The following LARS2 variants were observed in gnomAD, a reference collection of about 807,000 sequenced individuals.
The protein encoded by LARS2 is leucine--tRNA ligase, mitochondrial.
LARS2 carries 81 observed loss-of-function variants against 116.6 expected under a neutral mutation model. The ratio of observed to expected loss-of-function variants is 0.69; its 90% CI spans 0.58 to 0.84. The LOEUF (loss-of-function observed/expected upper bound fraction) is 0.84, where lower values mean the gene tolerates loss of function less well. Ranked by LOEUF, LARS2 falls within the 40% of genes least tolerant of loss-of-function variation. The pLI is 0.00. For synonymous variants in LARS2, 396 were observed against 407.2 expected, an observed-to-expected ratio of 0.97 and a Z score of 0.33; for missense variants, 968 against 1,114.5, an observed-to-expected ratio of 0.87 and a Z score of 1.87.
intron 18 of LARS2, 67 bp from the exon 19 acceptor site, chr3:45,520,152 T>C: frequency 2.7e-6 from 3 of 1,101,080 alleles, no homozygotes; most frequent in Non-Finnish European, 4.2e-6. Flanking sequence ...GTTTTGATAA[T>C]TCAGTCTTTT....
At chr3:45,460,800 A>G (rs1032287301) in intron 8 of LARS2, among the ~76,000 whole-genome samples, 2 of 152,188 alleles carry the variant, frequency 1.3e-5, no homozygotes, top group Non-Finnish European at 2.9e-5. Flanking sequence ...GAGACCCCCA[A>G]AAAGGCCATG....
chr3:45,397,204 C>G (rs1698061705), intron 3 of LARS2, among the ~76,000 whole-genome samples: 1 of 152,120 alleles, frequency 6.6e-6, no homozygotes, highest in Non-Finnish European at 1.5e-5. Context: ...GAAAATTTCC[C>G]TTTCAATCAG....
At chr3:45,528,394 G>T (rs577157725) in intron 20 of LARS2, among the ~76,000 whole-genome samples, 1 of 152,082 alleles carries the variant, frequency 6.6e-6, no homozygotes, top group Non-Finnish European at 1.5e-5. Flanking sequence ...ATTGTATTTT[G>T]TGTCCACTTG....
intron 19 of LARS2, among the ~76,000 whole-genome samples, chr3:45,523,787 A>G (rs973953733): frequency 5.3e-5 from 8 of 151,738 alleles, no homozygotes; most frequent in African/African-American, 1.9e-4. Context: ...TAGTGGGAGT[A>G]TAAGTGTCAG....
At chr3:45,495,866 CT>C (rs1362982733) in intron 13 of LARS2, among the ~76,000 whole-genome samples, 172 of 145,466 alleles carry the variant, frequency 1.2e-3, no homozygotes, top group African/African-American at 1.0e-3. Flanking sequence ...TGGCTTTATT[CT>C]TTTTTTTTTT....
chr3:45,517,848 C>T (rs1205342538), intron 17 of LARS2, 55 bp from the exon 18 acceptor site: 15 of 1,421,972 alleles, frequency 1.1e-5, no homozygotes, highest in Non-Finnish European at 1.5e-5. Flanking sequence ...TATACCAAGT[C>T]AATCACCCTT....
chr3:45,523,224 C>A (rs73830417), intron 19 of LARS2, among the ~76,000 whole-genome samples: 3 of 152,118 alleles, frequency 2.0e-5, no homozygotes, highest in African/African-American at 7.2e-5. Flanking sequence ...CTATGTTTGC[C>A]GGAATTGACC....
chr3:45,507,814 T>C (rs1700221516), intron 15 of LARS2, among the ~76,000 whole-genome samples: 1 of 152,090 alleles, frequency 6.6e-6, no homozygotes, highest in Non-Finnish European at 1.5e-5. Context: ...GAGCCCAATA[T>C]ACTTCTGATT....
intron 13 of LARS2, among the ~76,000 whole-genome samples, chr3:45,493,578 A>G (rs1466992708): frequency 6.6e-6 from 1 of 152,172 alleles, no homozygotes; most frequent in Admixed American, 6.5e-5. Context: ...ACTCATCTGA[A>G]AAATGGGGAT....
intron 4 of LARS2, among the ~76,000 whole-genome samples, chr3:45,411,474 T>C (rs1698330344): frequency 6.6e-6 from 1 of 152,232 alleles, no homozygotes; most frequent in Non-Finnish European, 1.5e-5. Flanking sequence ...GCCATAACCC[T>C]ATCCTGAGAC....
intron 15 of LARS2, among the ~76,000 whole-genome samples, chr3:45,502,654 G>A (rs949918246): frequency 3.9e-5 from 6 of 152,026 alleles, no homozygotes; most frequent in Admixed American, 3.3e-4. Context: ...CAAGTAATCC[G>A]CCTGCCTCGG....
At chr3:45,432,627 T>G (rs1698738087) in intron 6 of LARS2, among the ~76,000 whole-genome samples, 1 of 151,972 alleles carries the variant, frequency 6.6e-6, no homozygotes. Flanking sequence ...TTATGGAATA[T>G]AGCAAAAAAG....
At chr3:45,473,808 G>A (rs980023308) in intron 8 of LARS2, among the ~76,000 whole-genome samples, 3 of 150,716 alleles carry the variant, frequency 2.0e-5, no homozygotes, top group South Asian at 2.1e-4. Flanking sequence ...CTTTTTAAAT[G>A]CAAAGATAAA....
intron 6 of LARS2, among the ~76,000 whole-genome samples, chr3:45,424,215 G>A (rs915747528): frequency 3.3e-5 from 5 of 152,118 alleles, no homozygotes; most frequent in Non-Finnish European, 5.9e-5. Flanking sequence ...CACAATAAAC[G>A]CATTGTTAAG....
rs1202182953 is a variant in LARS2, at chr3:45,516,115, A to C, written c.1883A>C (p.Lys628Thr). Residue 628 changes from lysine to threonine, a missense_variant, in exon 17 of 22, where the codon AAA becomes ACA. Transcript: ENST00000645846. ...CTAGGTTCCGTTCCTGTTCATGCAA[A>C]AACGAAAGAGAAGTTAGAGGTGACG... Reference protein sequence around the residue: ...DLTGSVPVHAKTKEKLEVTWE... With the variant: ...DLTGSVPVHATTKEKLEVTWE... 1 of 1,614,068 alleles carries C rather than the reference A, an allele frequency of 6.2e-7. No individual in the cohort carries two copies. The highest frequency in any genetic ancestry group is 1.7e-5 in the Admixed American group (1 of 60,004).
chr3:45,401,846 G>C (rs1294415573), intron 4 of LARS2, among the ~76,000 whole-genome samples: 1 of 152,050 alleles, frequency 6.6e-6, no homozygotes, highest in Non-Finnish European at 1.5e-5. Context: ...GAACCCCTGG[G>C]CTCAAGCAAT....
chr3:45,432,461 G>A (rs1698734302), intron 6 of LARS2, among the ~76,000 whole-genome samples: 1 of 151,912 alleles, frequency 6.6e-6, no homozygotes, highest in Non-Finnish European at 1.5e-5. Context: ...AGACCACAAT[G>A]GTATGAAGTT....
chr3:45,517,334 G>A (rs773924291), intron 17 of LARS2, among the ~76,000 whole-genome samples: 2 of 152,224 alleles, frequency 1.3e-5, no homozygotes, highest in Non-Finnish European at 2.9e-5. Flanking sequence ...ATAACCCAGG[G>A]CCACCAGGTA....
chr3:45,410,249 T>A (rs1698308530), intron 4 of LARS2, among the ~76,000 whole-genome samples: 2 of 151,960 alleles, frequency 1.3e-5, no homozygotes, highest in South Asian at 4.1e-4. Flanking sequence ...GCTCAGGTGT[T>A]GTCCTTGAAG....
Sources: allele counts gnomAD v4.1 joint callset (sites outside exome capture counted in the v4.1 genomes callset), GRCh38; gene constraint gnomAD v4.1.1; transcripts MANE v1.5; gene names NCBI Gene and HGNC (gene_info 2026-07-23, HGNC 2026-07-21).